Variants in OR7D2 observed in about 807,000 individuals in gnomAD.
OR7D2 encodes olfactory receptor 7D2.
For missense variants in OR7D2, 370 were observed against 384.1 expected (o/e 0.96, Z 0.31); for synonymous variants, 158 against 158.7 (o/e 1.00, Z 0.03).
At chr19:9,182,232 G>A (rs2050994618) in intron 2 of OR7D2, 1 of 158,438 alleles carries the variant, frequency 6.3e-6, no homozygotes, top group African/African-American at 2.4e-5. Flanking sequence ...AAAACCAGAA[G>A]ATAATCTGCT....
Position 9,186,260 on chromosome 19 carries a change from T to G in OR7D2, c.479T>G (p.Ile160Ser), listed in dbSNP as rs189003167. 9.9e-5 allele frequency: 160 copies of G among 1,614,116 alleles called. 1 individual carries two copies. In the Admixed American group the frequency reaches 2.7e-3, roughly 27 times the overall value. ...GGTGTCATGACATCCCTCCTCCATA[T>G]TTCTCTGATGATGCATCTAATCTTC... ...LIGVMTSLLH[I>S]SLMMHLIFCK... is the part of the protein sequence containing the mutation. The change falls in exon 3 of 3, where the codon ATT (isoleucine) becomes AGT (serine). Residue 160 changes from isoleucine (I) to serine (S), a missense_variant. Ile to Ser is a moderately radical substitution (Grantham distance 142, BLOSUM62 -2). Transcript: ENST00000641288.
Position 9,186,567 on chromosome 19 carries a change from T to A in OR7D2, c.786T>A (p.Ser262=). The A allele has an allele frequency of 1.2e-6, 2 of 1,614,156 alleles. No homozygotes were observed. The highest frequency in any genetic ancestry group is 1.7e-6 in the Non-Finnish European group (2 of 1,180,028). The change falls in exon 3 of 3, where the codon TCT becomes TCA. Residue 262 remains serine, a synonymous_variant. Transcript: ENST00000641288. The part of the protein sequence containing the change: ...YGTGIGVHFT[S]AVTHSSQKIS... ...CAGGCATTGGGGTCCACTTCACTTC[T>A]GCGGTGACTCACTCTTCCCAGAAAA...
At chr19:9,179,397 G>A (rs1317055997) in intron 1 of OR7D2, among the ~76,000 whole-genome samples, 1 of 151,978 alleles carries the variant, frequency 6.6e-6, no homozygotes, top group Non-Finnish European at 1.5e-5. Context: ...AAAATTAGCT[G>A]GGCATGGTGG....
intron 1 of OR7D2, among the ~76,000 whole-genome samples, chr19:9,179,504 C>CA (rs2050975751): frequency 6.6e-6 from 1 of 151,318 alleles, no homozygotes; most frequent in Non-Finnish European, 1.5e-5. Context: ...CACGCCACTG[C>CA]ACTCCAGCCT....
At chr19:9,180,049 A>G (rs1433690860) in intron 1 of OR7D2, among the ~76,000 whole-genome samples, 3 of 152,004 alleles carry the variant, frequency 2.0e-5, no homozygotes, top group Non-Finnish European at 4.4e-5. Flanking sequence ...ACAAGTATGT[A>G]TTAAATGTTC....
Position 9,185,873 on chromosome 19 carries a change from TC to T in OR7D2, c.94del (p.Leu32CysfsTer6). The T allele has an allele frequency of 6.2e-7, 1 of 1,613,832 alleles. No homozygotes were observed. The highest frequency in any genetic ancestry group is 8.5e-7 in the Non-Finnish European group (1 of 1,179,836). ...CTACAGCCGTTCATATTTGGGCTGT[TC>T]CTGTCCATGTACCTGGTGACGGTGC... ...PELQPFIFGL[F>X]LSMYLVTVLG... On this transcript the variant is annotated frameshift_variant, in exon 3 of 3. Transcript: ENST00000641288. LOFTEE classifies it low-confidence loss of function (END_TRUNC).
chr19:9,184,076 G>A (rs2051012167), intron 2 of OR7D2, among the ~76,000 whole-genome samples: 1 of 145,836 alleles, frequency 6.9e-6, no homozygotes, highest in Non-Finnish European at 1.5e-5. Context: ...GACATTATGG[G>A]AAATAGTGTG....
intron 2 of OR7D2, among the ~76,000 whole-genome samples, chr19:9,181,978 C>A (rs2050992583): frequency 6.6e-6 from 1 of 152,114 alleles, no homozygotes; most frequent in Admixed American, 6.5e-5. Flanking sequence ...GCTATAAAAT[C>A]AGTGTTAAGA....
chr19:9,179,686 C>A (rs561401700), intron 1 of OR7D2, among the ~76,000 whole-genome samples: 1 of 152,232 alleles, frequency 6.6e-6, no homozygotes, highest in South Asian at 2.1e-4. Context: ...CCTGCTAACA[C>A]CTTCCTTTTT....
chr19:9,188,331 AT>A lies in OR7D2; in HGVS notation c.*1612del, dbSNP rs2051054319. ...GGTCTTGAACTCCTGACCTCAGGTG[AT>A]ACGCCCACCTCGGCCTCCCAAAGTG... On this transcript the variant is annotated 3_prime_UTR_variant, in exon 3 of 3. Coordinates refer to ENST00000641288, the MANE Select transcript of OR7D2 (RefSeq NM_175883.4). The A allele has an allele frequency of 6.4e-6, 1 of 156,244 alleles. No homozygotes were observed. Among genetic ancestry groups the A allele is most frequent in the Admixed American group, 6.6e-5 (1 of 15,256 alleles). The allele number at this position is 156,244 out of a possible 1,614,324, so 9.7% of individuals were successfully genotyped here.
At chr19:9,183,003 C>A in intron 2 of OR7D2, 1 of 443,032 alleles carries the variant, frequency 2.3e-6, no homozygotes, top group South Asian at 2.1e-5. Context: ...ACATACACGG[C>A]ATCAGGGCCT....
chr19:9,185,570 T>G (rs2051024289), intron 2 of OR7D2, 199 bp from the exon 3 acceptor site: 1 of 222,772 alleles, frequency 4.5e-6, no homozygotes, highest in Non-Finnish European at 8.6e-6. Flanking sequence ...ATACATAGTT[T>G]TATTTTTATT....
At chr19:9,185,152 G>A (rs986798293) in intron 2 of OR7D2, among the ~76,000 whole-genome samples, 1 of 151,986 alleles carries the variant, frequency 6.6e-6, no homozygotes, top group Non-Finnish European at 1.5e-5. Context: ...GTAGTATTCC[G>A]GATTTATGCT....
chr19:9,181,310 A>T (rs1386182698), intron 2 of OR7D2, among the ~76,000 whole-genome samples: 1 of 150,734 alleles, frequency 6.6e-6, no homozygotes, highest in Non-Finnish European at 1.5e-5. Flanking sequence ...TTTATATTTT[A>T]TTTTTTTATT....
In OR7D2 at chr19:9,186,380, A is replaced by G; in HGVS notation, c.599A>G (p.Tyr200Cys). The G allele has an allele frequency of 2.5e-6, 4 of 1,614,004 alleles. 1 individual carries two copies. Among genetic ancestry groups the G allele is most frequent in the South Asian group, 1.1e-5 (1 of 91,054 alleles). The change falls in exon 3 of 3, where the codon TAC (tyrosine) becomes TGC (cysteine). Residue 200 changes from tyrosine to cysteine, a missense_variant. Coordinates refer to ENST00000641288, the MANE Select transcript of OR7D2 (RefSeq NM_175883.4). ...SDTFLNSTLIYFMTGVLGVFP... is the reference protein window; with the variant it reads ...SDTFLNSTLICFMTGVLGVFP... Reference sequence around the variant, plus strand: ...ACCTTCCTGAACAGCACGTTGATATACTTTATGACGGGTGTGCTGGGCGTT... The same window carrying G: ...ACCTTCCTGAACAGCACGTTGATATGCTTTATGACGGGTGTGCTGGGCGTT...
chr19:9,186,648 C>T lies in OR7D2; in HGVS notation c.867C>T (p.Ile289=). ...TCACCCCCATGTTGAACCCCTTCAT[C>T]TACAGCCTGAGGAACAAGGATGTGA... is the stretch of plus-strand genomic sequence containing the variant. ...TVVTPMLNPF[I]YSLRNKDVKG... The change falls in exon 3 of 3, where the codon ATC becomes ATT. Residue 289 remains isoleucine (I), a synonymous_variant. Transcript: ENST00000641288. The T allele has an allele frequency of 1.2e-6, 2 of 1,614,084 alleles. No homozygotes were observed. Among genetic ancestry groups the T allele is most frequent in the Non-Finnish European group, 1.7e-6 (2 of 1,180,012 alleles).
At chr19:9,184,800 T>G (rs1257585197) in intron 2 of OR7D2, among the ~76,000 whole-genome samples, 2 of 152,190 alleles carry the variant, frequency 1.3e-5, no homozygotes, top group African/African-American at 4.8e-5. Flanking sequence ...TATGTGTGTG[T>G]ATATATATTT....
rs1189822816 is a variant in OR7D2, at chr19:9,188,715, G to T, written c.*1995G>T. ...TCACTGACTTTATTTCTATGTGTTTGCATGTGGGTTTTTGTTGTTTGTGTG... is the reference window on the plus strand; with the variant it reads ...TCACTGACTTTATTTCTATGTGTTTTCATGTGGGTTTTTGTTGTTTGTGTG... On this transcript the variant is annotated 3_prime_UTR_variant, in exon 3 of 3. Coordinates refer to ENST00000641288, the MANE Select transcript of OR7D2 (RefSeq NM_175883.4). 1 of 167,068 alleles carries T rather than the reference G, an allele frequency of 6.0e-6. No individual in the cohort carries two copies. Among genetic ancestry groups the T allele is most frequent in the Admixed American group, 6.5e-5 (1 of 15,284 alleles). The allele number at this position is 167,068 out of a possible 1,614,324, so 10.3% of individuals were successfully genotyped here.
chr19:9,180,034 A>G (rs1432754823), intron 1 of OR7D2, among the ~76,000 whole-genome samples: 1 of 152,052 alleles, frequency 6.6e-6, no homozygotes, highest in African/African-American at 2.4e-5. Flanking sequence ...GCAAAGCAAA[A>G]CAAAACAAGT....
Sources: gnomAD v4.1 joint callset for allele counts (sites outside exome capture counted in the v4.1 genomes callset) on GRCh38, gnomAD v4.1.1 for gene constraint, MANE v1.5 for transcripts, NCBI Gene and HGNC (gene_info 2026-07-23, HGNC 2026-07-21) for gene names.